UGGT2: variants seen among roughly 807,000 people sequenced by gnomAD.
UGGT2 encodes UDP-glucose:glycoprotein glucosyltransferase 2.
In UGGT2, 180 loss-of-function variants were observed where a neutral mutation model predicts 192.1. The observed-to-expected ratio is 0.94, with a 90% CI of 0.83 to 1.06. The LOEUF (loss-of-function observed/expected upper bound fraction) is 1.06. Among genes scored for constraint, UGGT2 ranks in the 50% least tolerant of loss-of-function variants. The pLI, the probability that UGGT2 is intolerant of heterozygous loss-of-function variation, is 0.00. For missense variants in UGGT2, 1,849 were observed against 1,795.7 expected (o/e 1.03, Z -0.54); for synonymous variants, 580 against 591.0 (o/e 0.98, Z 0.27).
At chr13:96,036,566 T>TA (rs199871760) in intron 1 of UGGT2, among the ~76,000 whole-genome samples, 8,215 of 142,158 alleles carry the variant, frequency 0.058, 320 homozygotes, top group East Asian at 0.19. Flanking sequence ...AAAGTTCAAG[T>TA]AAAAAAAAAA....
At chr13:96,052,289 T>A (rs2053507849) in intron 1 of UGGT2, among the ~76,000 whole-genome samples, 1 of 152,200 alleles carries the variant, frequency 6.6e-6, no homozygotes, top group South Asian at 2.1e-4. Context: ...GGCATAAGAT[T>A]GACACAATGG....
chr13:95,973,310 T>C (rs548925468), intron 10 of UGGT2, among the ~76,000 whole-genome samples: 1 of 152,278 alleles, frequency 6.6e-6, no homozygotes, highest in Admixed American at 6.5e-5. Flanking sequence ...AATCTTAAGA[T>C]AGATTAGAGA....
At chr13:95,922,712 G>T (rs2048885148) in intron 20 of UGGT2, among the ~76,000 whole-genome samples, 1 of 151,866 alleles carries the variant, frequency 6.6e-6, no homozygotes, top group Non-Finnish European at 1.5e-5. Flanking sequence ...GTCCCAAGCT[G>T]CCCAGGAGGC....
At chr13:95,979,483 A>G (rs987067746) in intron 10 of UGGT2, among the ~76,000 whole-genome samples, 1 of 145,110 alleles carries the variant, frequency 6.9e-6, no homozygotes, top group African/African-American at 2.5e-5. Flanking sequence ...TCCATCCTCT[A>G]GTATTTCTTC....
chr13:95,844,242 G>A (rs534220011), intron 36 of UGGT2, among the ~76,000 whole-genome samples: 6 of 152,168 alleles, frequency 3.9e-5, no homozygotes, highest in South Asian at 2.1e-4. Flanking sequence ...GATTACAGGC[G>A]TGAGCCACCA....
At chr13:95,834,027 T>C (rs958114075) in intron 37 of UGGT2, among the ~76,000 whole-genome samples, 2 of 152,198 alleles carry the variant, frequency 1.3e-5, no homozygotes, top group African/African-American at 4.8e-5. Context: ...TGATTCATTA[T>C]GGATTTCTTT....
chr13:96,045,031 AC>A (rs1321284245), intron 1 of UGGT2, among the ~76,000 whole-genome samples: 2 of 152,146 alleles, frequency 1.3e-5, no homozygotes, highest in African/African-American at 4.8e-5. Flanking sequence ...CAGGAAAAAA[AC>A]ATAACCAAAA....
chr13:96,043,622 T>C (rs994822040), intron 1 of UGGT2, among the ~76,000 whole-genome samples: 2 of 152,100 alleles, frequency 1.3e-5, no homozygotes, highest in Non-Finnish European at 2.9e-5. Context: ...TCAAGAGACT[T>C]ACCTATCACC....
intron 10 of UGGT2, among the ~76,000 whole-genome samples, chr13:95,972,934 G>A (rs992472588): frequency 1.3e-5 from 2 of 152,256 alleles, no homozygotes; most frequent in Non-Finnish European, 2.9e-5. Flanking sequence ...ACTTTGGGAG[G>A]CCGAGGTGGG....
In UGGT2 at chr13:95,906,203, G is replaced by A. The variant is rs375311126; in HGVS notation, c.2296-3143C>T. Among the ~76,000 whole-genome samples the A allele has an allele frequency of 4.6e-5, 7 of 152,184 alleles. No individual in the cohort carries two copies. In the South Asian group the frequency reaches 1.5e-3, roughly 32 times the overall value. On this transcript the variant is annotated intron_variant, in intron 20 of 38. Coordinates refer to ENST00000376747, the MANE Select transcript of UGGT2 (RefSeq NM_020121.4). ...ATTTCCACAAAAATTTCCAGTGTTC[G>A]ATATTTTTCATACTATTGTAAACGG...
chr13:95,888,083 C>A (rs1188210262), intron 25 of UGGT2, 112 bp from the exon 26 acceptor site: 1 of 684,676 alleles, frequency 1.5e-6, no homozygotes, highest in African/African-American at 1.8e-5. Context: ...CATTATCTCA[C>A]TTGATCCTTA....
Position 95,863,648 on chromosome 13 carries a change from G to A in UGGT2, c.3625C>T (p.Leu1209=). 1 of 1,611,174 alleles carries A rather than the reference G, an allele frequency of 6.2e-7. No homozygotes were observed. The highest frequency in any genetic ancestry group is 1.1e-5 in the South Asian group (1 of 91,016). Residue 1209 remains leucine (L), a synonymous_variant, in exon 31 of 39, where the codon CTG becomes TTG. Coordinates refer to ENST00000376747, the MANE Select transcript of UGGT2 (RefSeq NM_020121.4). ...AATTACCTTTTAATGGAATCCCACA[G>A]TCCTTTTGTTTTTTCATCTTCATCG... ...LTDEDEKTKG[L]WDSIKSFTVS...
intron 22 of UGGT2, 60 bp downstream of exon 22, chr13:95,900,747 A>C: frequency 6.7e-7 from 1 of 1,499,472 alleles, no homozygotes; most frequent in East Asian, 2.4e-5. Flanking sequence ...GACAGAAAAA[A>C]GGCAGACCAG....
intron 20 of UGGT2, among the ~76,000 whole-genome samples, chr13:95,913,689 A>G (rs753982804): frequency 7.2e-5 from 11 of 152,170 alleles, no homozygotes; most frequent in Non-Finnish European, 1.0e-4. Context: ...TGATTCCTCA[A>G]GGATCTAAAC....
intron 20 of UGGT2, among the ~76,000 whole-genome samples, chr13:95,925,299 G>A (rs1452395048): frequency 6.6e-6 from 1 of 152,170 alleles, no homozygotes; most frequent in Non-Finnish European, 1.5e-5. Flanking sequence ...ATCAGGGAAA[G>A]AAAATGCTGC....
Position 95,854,331 on chromosome 13 carries a change from G to A in UGGT2, c.4153C>T (p.Arg1385Trp), listed in dbSNP as rs140498019. Reference protein sequence around the residue: ...TGYWASHLLRRKYHISALYVV... With the variant: ...TGYWASHLLRWKYHISALYVV... ...TTTTCTTACCTGATATGGTATTTCC[G>A]TCTTAAAAGATGTGATGCCCAGTAT... Residue 1385 changes from arginine (R) to tryptophan (W), a missense_variant, in exon 35 of 39, where the codon CGG (arginine) becomes TGG (tryptophan). Physicochemically the swap from Arg to Trp is moderately radical, Grantham distance 101. Coordinates refer to ENST00000376747, the MANE Select transcript of UGGT2 (RefSeq NM_020121.4). The A allele has an allele frequency of 2.1e-4, 341 of 1,612,448 alleles. No individual in the cohort carries two copies. The highest frequency in any genetic ancestry group is 8.0e-4 in the East Asian group (36 of 44,824).
At chr13:95,914,053 G>C (rs978831250) in intron 20 of UGGT2, among the ~76,000 whole-genome samples, 1 of 151,718 alleles carries the variant, frequency 6.6e-6, no homozygotes, top group Non-Finnish European at 1.5e-5. Context: ...TGGACACAGG[G>C]CCTTGGACAC....
intron 1 of UGGT2, among the ~76,000 whole-genome samples, chr13:96,043,306 C>A (rs1413745384): frequency 6.6e-6 from 1 of 152,002 alleles, no homozygotes; most frequent in African/African-American, 2.4e-5. Flanking sequence ...CTTTTCCAGA[C>A]AAAAAAATGC....
chr13:95,843,612 A>AT (rs1693999529), intron 36 of UGGT2, among the ~76,000 whole-genome samples: 1 of 152,056 alleles, frequency 6.6e-6, no homozygotes, highest in Admixed American at 6.6e-5. Context: ...ACCTTTGTCT[A>AT]TGATGTGTTT....
Sources: allele counts gnomAD v4.1 joint callset (sites outside exome capture counted in the v4.1 genomes callset), GRCh38; gene constraint gnomAD v4.1.1; transcripts MANE v1.5; gene names NCBI Gene and HGNC (gene_info 2026-07-23, HGNC 2026-07-21).